Variants in RABGAP1 observed in about 807,000 individuals in gnomAD.
RABGAP1 encodes RAB GTPase activating protein 1.
Under a neutral mutation model 137.6 loss-of-function variants are expected in RABGAP1, and 23 were observed. That is an observed-to-expected ratio of 0.17 (90% CI 0.12 to 0.24). The LOEUF (loss-of-function observed/expected upper bound fraction) is 0.24. RABGAP1 is among the 10% of genes least tolerant of loss of function. The probability of loss-of-function intolerance (pLI) is 1.00; values close to 1 mark genes in which losing one functional copy is unlikely to be tolerated. For synonymous variants in RABGAP1, 451 were observed against 450.7 expected (o/e 1.00, Z -0.01); for missense variants, 906 against 1,275.8 (o/e 0.71, Z 4.42).
At chr9:123,033,256 C>A (rs1428951656) in intron 13 of RABGAP1, among the ~76,000 whole-genome samples, 1 of 152,064 alleles carries the variant, frequency 6.6e-6, no homozygotes, top group Admixed American at 6.6e-5. Flanking sequence ...TTTAATATTG[C>A]TCTTTGTTCT....
chr9:123,053,390 G>T (rs1246146868), intron 13 of RABGAP1, among the ~76,000 whole-genome samples: 2 of 152,092 alleles, frequency 1.3e-5, no homozygotes, highest in African/African-American at 2.4e-5. Flanking sequence ...AATTAGGAGA[G>T]AATTATTTTA....
intron 13 of RABGAP1, among the ~76,000 whole-genome samples, chr9:123,047,485 G>A (rs2033256730): frequency 6.6e-6 from 1 of 152,084 alleles, no homozygotes; most frequent in Non-Finnish European, 1.5e-5. Flanking sequence ...AATATACTTT[G>A]CTTGGGATTA....
chr9:122,950,597 A>C (rs1428418497), intron 1 of RABGAP1, among the ~76,000 whole-genome samples: 1 of 151,818 alleles, frequency 6.6e-6, no homozygotes, highest in Non-Finnish European at 1.5e-5. Context: ...CTATATTATA[A>C]TTACCTGTTT....
intron 6 of RABGAP1, among the ~76,000 whole-genome samples, chr9:122,992,335 G>A (rs1836770122): frequency 6.6e-6 from 1 of 152,070 alleles, no homozygotes; most frequent in South Asian, 2.1e-4. Flanking sequence ...CACCATGCCT[G>A]GCCTTTTTTT....
intron 13 of RABGAP1, among the ~76,000 whole-genome samples, chr9:123,056,683 T>C (rs938421354): frequency 3.3e-5 from 5 of 151,930 alleles, no homozygotes; most frequent in Non-Finnish European, 7.4e-5. Context: ...GTGATGACTC[T>C]TAACGAGCAT....
At chr9:123,079,784 C>T (rs915037231) in intron 19 of RABGAP1, among the ~76,000 whole-genome samples, 4 of 152,042 alleles carry the variant, frequency 2.6e-5, no homozygotes, top group Non-Finnish European at 5.9e-5. Flanking sequence ...GTCTTCGGCT[C>T]ATATATCCAC....
chr9:122,965,317 G>C (rs552169202), intron 2 of RABGAP1, among the ~76,000 whole-genome samples: 1 of 152,116 alleles, frequency 6.6e-6, no homozygotes, highest in Non-Finnish European at 1.5e-5. Flanking sequence ...AGGGCTGGTT[G>C]GAGGAGTCTG....
chr9:122,986,356 G>A lies in RABGAP1; in HGVS notation c.527G>A (p.Ser176Asn). ...EALRMMSILRSQCQISLDVTL... is the reference protein window; with the variant it reads ...EALRMMSILRNQCQISLDVTL... The stretch of plus-strand genomic sequence containing the variant: ...TTAAGGATGATGTCCATCTTAAGAA[G>A]CCAGTGTCAGATTTCACTAGATGTT... Residue 176 changes from serine (S) to asparagine (N), a missense_variant, in exon 4 of 26, where the codon AGC (serine) becomes AAC (asparagine). Physicochemically the swap from Ser to Asn is conservative, Grantham distance 46. Around this residue, in one of 9 missense-constraint regions of RABGAP1, gnomAD observed 331 missense variants for 358.3 expected, o/e 0.92. Transcript: ENST00000373647. 1.2e-6 allele frequency: 2 copies of A among 1,614,120 alleles called. No homozygotes were observed. Among genetic ancestry groups the A allele is most frequent in the Non-Finnish European group, 1.7e-6 (2 of 1,180,014 alleles).
At chr9:123,066,313 T>C (rs700062) in intron 14 of RABGAP1, among the ~76,000 whole-genome samples, 115,085 of 152,118 alleles carry the variant, frequency 0.76, 45,486 homozygotes, top group Middle Eastern at 0.89. Flanking sequence ...TGGTAATCTT[T>C]CTTTCTGATC....
At chr9:123,095,824 A>G (rs2035167466) in intron 21 of RABGAP1, among the ~76,000 whole-genome samples, 1 of 152,058 alleles carries the variant, frequency 6.6e-6, no homozygotes, top group Non-Finnish European at 1.5e-5. Context: ...TCTTTCACTT[A>G]TACAAGTTTA....
intron 2 of RABGAP1, among the ~76,000 whole-genome samples, chr9:122,983,273 C>T (rs59724350): frequency 0.017 from 2,541 of 152,150 alleles, 70 homozygotes; most frequent in African/African-American, 0.057. Flanking sequence ...TAAAATTACT[C>T]GGCCCACTTG....
chr9:123,062,314 G>T (rs1193182433), intron 13 of RABGAP1: 1 of 152,198 alleles, frequency 6.6e-6, no homozygotes, highest in Admixed American at 6.5e-5. Context: ...GTAAGCACTT[G>T]CTTTGACTAT....
intron 13 of RABGAP1, among the ~76,000 whole-genome samples, chr9:123,032,878 A>C (rs1171133632): frequency 6.6e-6 from 1 of 152,212 alleles, no homozygotes; most frequent in Non-Finnish European, 1.5e-5. Flanking sequence ...GCTTATTTGT[A>C]CCATGAAACT....
chr9:122,933,440 A>AATTATTATTATT, the RABGAP1 span, among the ~76,000 whole-genome samples: 8,251 of 146,018 alleles, frequency 0.057, 847 homozygotes, highest in African/African-American at 0.2. Flanking sequence ...TTTTTCATTA[A>AATTATTATTATT]ATTATTATTA....
At chr9:123,032,239 T>G (rs889927294) in intron 13 of RABGAP1, among the ~76,000 whole-genome samples, 1 of 152,318 alleles carries the variant, frequency 6.6e-6, no homozygotes, top group African/African-American at 2.4e-5. Context: ...TTTATATACT[T>G]TATTTCTCAA....
intron 8 of RABGAP1, 35 bp from the exon 9 acceptor site, chr9:122,997,224 T>A (rs1283710011): frequency 6.6e-7 from 1 of 1,508,606 alleles, no homozygotes; most frequent in Non-Finnish European, 9.1e-7. Context: ...TCACTCACTG[T>A]GGCATTCGGG....
chr9:123,041,191 G>T (rs1018000810), intron 13 of RABGAP1, among the ~76,000 whole-genome samples: 4 of 152,206 alleles, frequency 2.6e-5, no homozygotes, highest in East Asian at 1.9e-4. Context: ...AAGAGCTAGT[G>T]ACTGTTATTA....
chr9:123,044,155 G>A (rs1173677017), intron 13 of RABGAP1, among the ~76,000 whole-genome samples: 2 of 151,920 alleles, frequency 1.3e-5, no homozygotes, highest in East Asian at 3.9e-4. Context: ...CGCCCATCTC[G>A]GCCTCCCAAA....
At chr9:123,076,352 G>A (rs868161795) in intron 18 of RABGAP1, 66 bp downstream of exon 18, 1 of 1,523,526 alleles carries the variant, frequency 6.6e-7, no homozygotes. Context: ...TACATTGGTT[G>A]TAGTCTCATT....
Sources: gnomAD v4.1 joint callset for allele counts (sites outside exome capture counted in the v4.1 genomes callset) on GRCh38, gnomAD v4.1.1 for gene constraint, gnomAD v4.1.1 regional missense constraint, MANE v1.5 for transcripts, NCBI Gene and HGNC (gene_info 2026-07-23, HGNC 2026-07-21) for gene names.